MYO6: variants seen among roughly 807,000 people sequenced by gnomAD.
MYO6 encodes myosin VI, also known as unconventional myosin-VI.
MYO6 carries 74 observed loss-of-function variants against 178.7 expected under a neutral mutation model. The ratio of observed to expected loss-of-function variants is 0.41; its 90% CI spans 0.34 to 0.50. The LOEUF (loss-of-function observed/expected upper bound fraction) is 0.50, where lower values mean the gene tolerates loss of function less well. MYO6 is among the 20% of genes least tolerant of loss of function. The pLI is 0.09. For synonymous variants in MYO6, 477 were observed against 504.6 expected (o/e 0.95, Z 0.73); for missense variants, 1,330 against 1,547.4 (o/e 0.86, Z 2.36).
intron 20 of MYO6, among the ~76,000 whole-genome samples, chr6:75,874,662 T>A (rs1777429484): frequency 2.0e-5 from 3 of 152,236 alleles, no homozygotes; most frequent in African/African-American, 7.2e-5. Flanking sequence ...ATGTTTGTCA[T>A]ACTATTCCCT....
chr6:75,774,896 C>T (rs537511952), intron 1 of MYO6, among the ~76,000 whole-genome samples: 4 of 152,042 alleles, frequency 2.6e-5, no homozygotes, highest in Admixed American at 6.6e-5. Context: ...CAGGTTCAAG[C>T]GATTCTCCTG....
At chr6:75,856,874 T>A (rs569845981) in intron 12 of MYO6, among the ~76,000 whole-genome samples, 33 of 152,108 alleles carry the variant, frequency 2.2e-4, no homozygotes, top group African/African-American at 7.9e-4. Context: ...TTAAGCCTAA[T>A]TTTTTTTACC....
At chr6:75,896,314 A>G (rs939148038) in intron 29 of MYO6, among the ~76,000 whole-genome samples, 2 of 152,248 alleles carry the variant, frequency 1.3e-5, no homozygotes, top group Admixed American at 6.5e-5. Context: ...TGTTTATTTA[A>G]TATGAAAGTG....
intron 1 of MYO6, among the ~76,000 whole-genome samples, chr6:75,787,730 CTATATATATATATATATATA>C (rs1172801367): frequency 1.7e-4 from 2 of 11,660 alleles, no homozygotes; most frequent in Non-Finnish European, 2.9e-4. Context: ...CTCTCTCTCT[CTATATATATATATATATATA>C]TATATATATA....
At chr6:75,858,660 C>T (rs1775937255) in intron 13 of MYO6, among the ~76,000 whole-genome samples, 2 of 152,104 alleles carry the variant, frequency 1.3e-5, no homozygotes, top group Non-Finnish European at 2.9e-5. Flanking sequence ...TAGTATACAA[C>T]ATTTATCTCA....
At chr6:75,752,793 A>G (rs1377502934) in intron 1 of MYO6, among the ~76,000 whole-genome samples, 1 of 152,142 alleles carries the variant, frequency 6.6e-6, no homozygotes. Context: ...AGGACATTAT[A>G]TGTATTGTGC....
chr6:75,870,985 A>G (rs562477699), intron 19 of MYO6, among the ~76,000 whole-genome samples: 1 of 152,308 alleles, frequency 6.6e-6, no homozygotes, highest in Middle Eastern at 3.4e-3. Context: ...ATTAGTTATG[A>G]AATTCAATCT....
At chr6:75,913,221 G>A (rs1482403546) in intron 33 of MYO6, among the ~76,000 whole-genome samples, 1 of 152,010 alleles carries the variant, frequency 6.6e-6, no homozygotes, top group Non-Finnish European at 1.5e-5. Context: ...ATTGCCCCAG[G>A]GAAATGTTTA....
intron 1 of MYO6, among the ~76,000 whole-genome samples, chr6:75,781,917 C>CAAAAA (rs10584481): frequency 2.2e-5 from 1 of 44,656 alleles, no homozygotes; most frequent in Non-Finnish European, 4.4e-5. Flanking sequence ...GACTCCATCT[C>CAAAAA]AAAAAAAAAA....
intron 34 of MYO6, 45 bp downstream of exon 34, chr6:75,914,326 T>G: frequency 6.5e-7 from 1 of 1,541,846 alleles, no homozygotes; most frequent in Non-Finnish European, 9.0e-7. Flanking sequence ...ACAAAAAAGA[T>G]CATAAACTCT....
chr6:75,778,195 T>C (rs2150042562), intron 1 of MYO6, among the ~76,000 whole-genome samples: 1 of 152,340 alleles, frequency 6.6e-6, no homozygotes, highest in South Asian at 2.1e-4. Flanking sequence ...TATGGTTTCT[T>C]AAGAATTTTG....
At chr6:75,801,746 G>A (rs1769475512) in intron 1 of MYO6, among the ~76,000 whole-genome samples, 1 of 152,038 alleles carries the variant, frequency 6.6e-6, no homozygotes, top group African/African-American at 2.4e-5. Context: ...CTCAAGACCA[G>A]CCTGGCCAAC....
chr6:75,870,648 C>G lies in MYO6; in HGVS notation c.1946C>G (p.Thr649Arg), dbSNP rs1324440940. The G allele has an allele frequency of 6.2e-7, 1 of 1,611,886 alleles. No homozygotes were observed. The highest frequency in any genetic ancestry group is 1.3e-5 in the African/African-American group (1 of 74,990). The change falls in exon 19 of 35, where the codon ACA becomes AGA. Residue 649 changes from threonine to arginine, a missense_variant and splice_region_variant. Thr to Arg is a moderately conservative substitution (Grantham distance 71). This residue lies in a region of MYO6 where 613 missense variants were observed against 816.8 expected (regional missense o/e 0.75). Transcript: ENST00000369977. The stretch of plus-strand genomic sequence containing the variant: ...AAACTGATTTCCTTTCTTTCACAGA[C>G]ACAGTTAAATTTGCTTCTGGATAAA... ...SFISVGNKFK[T>R]QLNLLLDKLR...
At chr6:75,771,044 T>C (rs1464945816) in intron 1 of MYO6, among the ~76,000 whole-genome samples, 2 of 151,372 alleles carry the variant, frequency 1.3e-5, no homozygotes, top group African/African-American at 4.9e-5. Context: ...ACTTTGTTGC[T>C]TAGGCTGGAG....
chr6:75,816,664 CG>C (rs1771279554), intron 1 of MYO6, among the ~76,000 whole-genome samples: 1 of 152,206 alleles, frequency 6.6e-6, no homozygotes, highest in African/African-American at 2.4e-5. Context: ...GGATGAGCTT[CG>C]GGAGCACATC....
intron 5 of MYO6, among the ~76,000 whole-genome samples, chr6:75,831,988 G>A (rs746878527): frequency 7.2e-5 from 11 of 152,072 alleles, no homozygotes; most frequent in Non-Finnish European, 1.3e-4. Flanking sequence ...AGTAAAAGCC[G>A]TTTCTGAAGT....
intron 17 of MYO6, 85 bp downstream of exon 17, chr6:75,866,706 A>AATTATTTCACGTGGTTATTT: frequency 8.0e-7 from 1 of 1,256,912 alleles, no homozygotes; most frequent in South Asian, 1.2e-5. Flanking sequence ...CGTGGTTATT[A>AATTATTTCACGTGGTTATTT]ATTATTTCAC....
chr6:75,834,622 A>G (rs1223397172), intron 6 of MYO6, among the ~76,000 whole-genome samples: 1 of 152,174 alleles, frequency 6.6e-6, no homozygotes, highest in Non-Finnish European at 1.5e-5. Context: ...CATACCCATG[A>G]GGTTAGATCT....
intron 33 of MYO6, among the ~76,000 whole-genome samples, chr6:75,912,159 C>T (rs1338256491): frequency 6.6e-6 from 1 of 151,920 alleles, no homozygotes; most frequent in Non-Finnish European, 1.5e-5. Flanking sequence ...ATGATACCTC[C>T]TTAAATAGGA....
Sources: allele counts gnomAD v4.1 joint callset (sites outside exome capture counted in the v4.1 genomes callset), GRCh38; gene constraint gnomAD v4.1.1; regional missense constraint gnomAD v4.1.1; transcripts MANE v1.5; gene names NCBI Gene and HGNC (gene_info 2026-07-23, HGNC 2026-07-21).